Variants in SBSN observed in about 807,000 individuals in gnomAD.
SBSN encodes the protein suprabasin, also known as HLAR698.
SBSN carries 33 observed loss-of-function variants against 42.8 expected under a neutral mutation model. The observed-to-expected ratio is 0.77, with a 90% CI of 0.58 to 1.03. SBSN has a LOEUF of 1.03. Among genes scored for constraint, SBSN ranks in the 50% least tolerant of loss-of-function variants. SBSN has a pLI of 0.00. For synonymous variants in SBSN, 276 were observed against 307.0 expected, an observed-to-expected ratio of 0.90 and a Z score of 1.06; for missense variants, 646 against 757.3, an observed-to-expected ratio of 0.85 and a Z score of 1.72.
At chr19:35,523,591 GAGACC>G in intron 3 of SBSN, 58 bp from the exon 4 acceptor site, 1 of 1,565,918 alleles carries the variant, frequency 6.4e-7, no homozygotes, top group Middle Eastern at 1.7e-4. Flanking sequence ...GACGGGACCC[GAGACC>G]TCAGCCCCGC....
At position 35,528,105 on chromosome 19, in the gene SBSN, C is replaced by T. The variant is rs371131169; in HGVS notation, c.177G>A (p.Thr59=). The change falls in exon 1 of 4, where the codon ACG becomes ACA. Residue 59 remains threonine, a synonymous_variant. Coordinates refer to ENST00000452271, the MANE Select transcript of SBSN (RefSeq NM_001166034.2). ...KALDGINSGI[T]HAGREVEKVF... is the part of the protein sequence containing the mutation. ...CCTTCTCCACTTCCCTTCCGGCATGCGTGATTCCACTGTTGATGCCATCCA... is the reference window on the plus strand; with the variant it reads ...CCTTCTCCACTTCCCTTCCGGCATGTGTGATTCCACTGTTGATGCCATCCA... 20 of 1,613,942 alleles carry T rather than the reference C, an allele frequency of 1.2e-5. No homozygotes were observed. Among genetic ancestry groups the T allele is most frequent in the African/African-American group, 1.2e-4 (9 of 74,884 alleles).
rs1348570992 is a variant in SBSN at position 35,524,891 on chromosome 19, C to T, written c.1672G>A (p.Gly558Arg). The T allele has an allele frequency of 1.8e-5, 29 of 1,614,000 alleles. No individual in the cohort carries two copies. The highest frequency in any genetic ancestry group is 2.1e-5 in the Non-Finnish European group (25 of 1,180,020). Residue 558 changes from glycine to arginine, a missense_variant, in exon 2 of 4, where the codon GGA becomes AGA. Physicochemically the swap from Gly to Arg is moderately radical, Grantham distance 125. Around this residue, in one of 3 missense-constraint regions of SBSN, gnomAD observed 236 missense variants for 225.6 expected, o/e 1.05. Transcript: ENST00000452271. ...NHQSGSSSHQ[G>R]GATTTPLASG... ...GCTAACGGCGTGGTTGTGGCCCCTCCTTGATGGCTGGAAGATCCGCTTTGA... is the reference window on the plus strand; with the variant it reads ...GCTAACGGCGTGGTTGTGGCCCCTCTTTGATGGCTGGAAGATCCGCTTTGA...
At chr19:35,525,509 C>T (rs1385456973) in intron 1 of SBSN, among the ~76,000 whole-genome samples, 3 of 128,712 alleles carry the variant, frequency 2.3e-5, no homozygotes, top group Admixed American at 8.8e-5. Context: ...CTCTGGACTT[C>T]GACGTCTGAG....
Position 35,527,589 on chromosome 19 carries a change from A to C in SBSN, c.693T>G (p.Ala231=), listed in dbSNP as rs2071394753. ...TEKFGQGIHH[A]AGQVGKEAEK... ...CTGCCTCCTTCCCAACCTGACCGGC[A>C]GCATGGTGGATCCCCTGGCCAAACT... The change falls in exon 1 of 4, where the codon GCT becomes GCG. Residue 231 remains alanine, a synonymous_variant. Transcript: ENST00000452271. 1 of 1,529,380 alleles carries C rather than the reference A, an allele frequency of 6.5e-7. No homozygotes were observed. Among genetic ancestry groups the C allele is most frequent in the Non-Finnish European group, 8.7e-7 (1 of 1,146,980 alleles). The allele number at this position is 1,529,380 out of a possible 1,614,324, so 94.7% of individuals were successfully genotyped here. A position where few individuals can be genotyped will look rare whatever the true frequency, so the allele number is the denominator to read the frequency against.
chr19:35,526,690 T>G lies in SBSN; in HGVS notation c.1592A>C (p.His531Pro), dbSNP rs1334810950. The G allele has an allele frequency of 1.9e-6, 3 of 1,603,066 alleles. No individual in the cohort carries two copies. Among genetic ancestry groups the G allele is most frequent in the Non-Finnish European group, 1.7e-6 (2 of 1,173,218 alleles). ...CTTGCTGGCTTGGTTGACCCCATTA[T>G]GAGCATTCTGCAGCTCCTTCCCGGC... Reference protein sequence around the residue: ...GQAGKELQNAHNGVNQASKEA... With the variant: ...GQAGKELQNAPNGVNQASKEA... Residue 531 changes from histidine (H) to proline (P), a missense_variant, in exon 1 of 4, where the codon CAT (histidine) becomes CCT (proline). Coordinates refer to ENST00000452271, the MANE Select transcript of SBSN (RefSeq NM_001166034.2).
At chr19:35,525,472 C>A (rs2071360124) in intron 1 of SBSN, among the ~76,000 whole-genome samples, 2 of 149,468 alleles carry the variant, frequency 1.3e-5, no homozygotes, top group South Asian at 4.4e-4. Context: ...CCCACCCATC[C>A]CTGGCTCTGT....
At chr19:35,526,360 C>T (rs748706047) in intron 1 of SBSN, among the ~76,000 whole-genome samples, 3 of 152,052 alleles carry the variant, frequency 2.0e-5, no homozygotes, top group Admixed American at 6.5e-5. Context: ...CACTTGAGGC[C>T]CCCTTAACCA....
chr19:35,525,618 G>A (rs2146281271), intron 1 of SBSN, among the ~76,000 whole-genome samples: 1 of 152,268 alleles, frequency 6.6e-6, no homozygotes, highest in African/African-American at 2.4e-5. Flanking sequence ...CCTTCTTGGT[G>A]CCTGTTCTGT....
chr19:35,528,025 C>T lies in SBSN; in HGVS notation c.257G>A (p.Gly86Asp). The change falls in exon 1 of 4, where the codon GGC becomes GAC. Residue 86 changes from glycine to aspartate, a missense_variant. Gly to Asp is a moderately conservative substitution (Grantham distance 94). Around this residue, in one of 3 missense-constraint regions of SBSN, gnomAD observed 190 missense variants for 197.1 expected, o/e 0.96. Coordinates refer to ENST00000452271, the MANE Select transcript of SBSN (RefSeq NM_001166034.2). ...CATGCCGTGGTTGAGCCCCTGGACG[C>T]CTTTGTCCAACTCCTTGCCGGTGTG... ...GSHTGKELDK[G>D]VQGLNHGMDK... 6.2e-7 allele frequency: 1 copy of T among 1,613,844 alleles called. No individual in the cohort carries two copies. Among genetic ancestry groups the T allele is most frequent in the Non-Finnish European group, 8.5e-7 (1 of 1,180,034 alleles).
At chr19:35,526,603 CA>C in intron 1 of SBSN, 40 bp downstream of exon 1, 1 of 943,350 alleles carries the variant, frequency 1.1e-6, no homozygotes, top group South Asian at 1.8e-5. Flanking sequence ...TTCCCTCCCC[CA>C]ACCCCCCTGT....
In SBSN at chr19:35,528,179, C is replaced by T; in HGVS notation, c.103G>A (p.Gly35Arg). Residue 35 changes from glycine (G) to arginine (R), a missense_variant, in exon 1 of 4, where the codon GGG becomes AGG. Physicochemically the swap from Gly to Arg is moderately radical, Grantham distance 125. Transcript: ENST00000452271. ...SDDPIEKVIE[G>R]INRGLSNAER... The stretch of plus-strand genomic sequence containing the variant: ...GCATTGCTCAGCCCTCGGTTGATCC[C>T]TTCAATGACCTTCTCAATGGGGTCA... 1 of 1,613,992 alleles carries T rather than the reference C, an allele frequency of 6.2e-7. No individual in the cohort carries two copies. The highest frequency in any genetic ancestry group is 2.2e-5 in the East Asian group (1 of 44,886).
chr19:35,524,975 T>G, intron 1 of SBSN, 51 bp from the exon 2 acceptor site: 4 of 1,590,540 alleles, frequency 2.5e-6, no homozygotes, highest in Non-Finnish European at 3.4e-6. Context: ...GCGGAGGGTC[T>G]CCCAGTTCCT....
intron 1 of SBSN, among the ~76,000 whole-genome samples, chr19:35,526,269 CAA>C: frequency 6.6e-6 from 1 of 152,290 alleles, no homozygotes; most frequent in African/African-American, 2.4e-5. Flanking sequence ...CAGGTTTTGT[CAA>C]CACTCAGTCC....
In SBSN at chr19:35,526,188, A is replaced by G. The variant is rs181962406; in HGVS notation, c.1638+456T>C. Among the ~76,000 whole-genome samples the G allele has an allele frequency of 5.8e-4, 89 of 152,218 alleles. No individual in the cohort carries two copies. In the Middle Eastern group the frequency reaches 0.017, roughly 29 times the overall value. On this transcript the variant is annotated intron_variant, in intron 1 of 3. Coordinates refer to ENST00000452271, the MANE Select transcript of SBSN (RefSeq NM_001166034.2). ...AGCAGCCTCATCTTGACCACATCAG[A>G]GGGTAGTTACAAAGATTACACAGGC...
chr19:35,528,262 A>G lies in SBSN; in HGVS notation c.20T>C (p.Val7Ala). The G allele has an allele frequency of 1.9e-6, 3 of 1,611,502 alleles. No homozygotes were observed. The highest frequency in any genetic ancestry group is 2.5e-6 in the Non-Finnish European group (3 of 1,179,274). Reference sequence around the variant, plus strand: ...TAGCAGAAGGAGGGAGCAGGAGCCGACCAGACGTGCAAGATGCATATTGCT... The same window carrying G: ...TAGCAGAAGGAGGGAGCAGGAGCCGGCCAGACGTGCAAGATGCATATTGCT... MHLARL[V>A]GSCSLLLLLG... Residue 7 changes from valine (V) to alanine (A), a missense_variant, in exon 1 of 4, where the codon GTC becomes GCC. Physicochemically the swap from Val to Ala is moderately conservative, Grantham distance 64. Around this residue, in one of 3 missense-constraint regions of SBSN, gnomAD observed 190 missense variants for 197.1 expected, o/e 0.96. Transcript: ENST00000452271.
chr19:35,525,876 T>G (rs1310766964), intron 1 of SBSN, among the ~76,000 whole-genome samples: 5 of 152,056 alleles, frequency 3.3e-5, no homozygotes, highest in African/African-American at 1.2e-4. Context: ...AGAGATAGGG[T>G]TTCACCATGT....
intron 3 of SBSN, among the ~76,000 whole-genome samples, chr19:35,524,411 A>C (rs59618592): frequency 0.28 from 42,371 of 151,950 alleles, 6,154 homozygotes; most frequent in East Asian, 0.41. Flanking sequence ...GAATGAGAAC[A>C]GTCAGCAGCC....
chr19:35,527,717 C>T lies in SBSN; in HGVS notation c.565G>A (p.Gly189Ser), dbSNP rs1381683656. Residue 189 changes from glycine to serine, a missense_variant, in exon 1 of 4, where the codon GGC becomes AGC. This residue lies in a region of SBSN where 220 missense variants were observed against 334.5 expected (regional missense o/e 0.66). Transcript: ENST00000452271. ...CCTGCAGCATGGTGGACTCCCTGGC[C>T]AAACCTCCCAGCCTCATTTCCGGCC... is the stretch of plus-strand genomic sequence containing the variant. ...GQAGNEAGRF[G>S]QGVHHAAGQA... 6.5e-7 allele frequency: 1 copy of T among 1,528,870 alleles called. No homozygotes were observed. Among genetic ancestry groups the T allele is most frequent in the South Asian group, 1.2e-5 (1 of 83,316 alleles). 94.7% of individuals were successfully genotyped at this position (1,528,870 alleles called of 1,614,324 possible). A position where few individuals can be genotyped will look rare whatever the true frequency, so the allele number is the denominator to read the frequency against.
chr19:35,523,485 T>C lies in SBSN; in HGVS notation c.*25A>G, dbSNP rs1364536790. On this transcript the variant is annotated 3_prime_UTR_variant, in exon 4 of 4. Transcript: ENST00000452271. ...GCTGATGTGACAACGGCGACATTAT[T>C]CTCCCAGCAAGGCCGGATGCCAGTT... 1 of 1,613,494 alleles carries C rather than the reference T, an allele frequency of 6.2e-7. No individual in the cohort carries two copies. The highest frequency in any genetic ancestry group is 8.5e-7 in the Non-Finnish European group (1 of 1,179,636).
Sources: gnomAD v4.1 joint callset for allele counts (sites outside exome capture counted in the v4.1 genomes callset) on GRCh38, gnomAD v4.1.1 for gene constraint, gnomAD v4.1.1 regional missense constraint, MANE v1.5 for transcripts, NCBI Gene and HGNC (gene_info 2026-07-23, HGNC 2026-07-21) for gene names.